The following CDIP1 variants were observed in gnomAD, a reference collection of about 807,000 sequenced individuals.
The protein encoded by CDIP1 is cell death-inducing p53-target protein 1.
CDIP1 carries 9 observed loss-of-function variants against 17.7 expected under a neutral mutation model. That is an observed-to-expected ratio of 0.51 (90% CI 0.31 to 0.89). The LOEUF (loss-of-function observed/expected upper bound fraction) is 0.89. Ranked by LOEUF, CDIP1 falls within the 40% of genes least tolerant of loss-of-function variation. The pLI is 0.05. For synonymous variants in CDIP1, 117 were observed against 109.5 expected, an observed-to-expected ratio of 1.07 and a Z score of -0.43; for missense variants, 263 against 277.9, an observed-to-expected ratio of 0.95 and a Z score of 0.38.
intron 1 of CDIP1, among the ~76,000 whole-genome samples, chr16:4,521,358 G>A (rs959130551): frequency 2.0e-5 from 3 of 152,152 alleles, no homozygotes. Flanking sequence ...AAGAACTGCT[G>A]TGCTAGAGGA....
rs1017386987 is a variant in CDIP1, at chr16:4,510,872, G to A, written c.*1700C>T. ...CAGGGCCAGAGGTCGCCCAGAACCTGCGTGTGCAGACTGCGCTCTGTTAGT... is the reference window on the plus strand; with the variant it reads ...CAGGGCCAGAGGTCGCCCAGAACCTACGTGTGCAGACTGCGCTCTGTTAGT... On this transcript the variant is annotated 3_prime_UTR_variant, in exon 6 of 6. Coordinates refer to ENST00000567695, the MANE Select transcript of CDIP1 (RefSeq NM_013399.3). 1.3e-5 allele frequency: 2 copies of A among 152,260 alleles called. No individual in the cohort carries two copies. The allele number at this position is 152,260 out of a possible 1,614,324, so 9.4% of individuals were successfully genotyped here.
At chr16:4,518,492 G>C (rs1460544771) in intron 1 of CDIP1, among the ~76,000 whole-genome samples, 1 of 152,152 alleles carries the variant, frequency 6.6e-6, no homozygotes, top group African/African-American at 2.4e-5. Context: ...GCAGGGCCCT[G>C]TTGCTCCTCC....
At chr16:4,537,312 T>G (rs1284288947) in intron 1 of CDIP1, among the ~76,000 whole-genome samples, 1 of 152,206 alleles carries the variant, frequency 6.6e-6, no homozygotes, top group Non-Finnish European at 1.5e-5. Flanking sequence ...CTTTTGTATG[T>G]TTCACGTTTT....
intron 1 of CDIP1, among the ~76,000 whole-genome samples, chr16:4,535,135 C>A (rs1288761854): frequency 2.6e-5 from 4 of 152,206 alleles, no homozygotes; most frequent in Admixed American, 2.6e-4. Flanking sequence ...CTACTTCCAC[C>A]TTTCTTGGCC....
At chr16:4,523,276 G>A (rs2058969390) in intron 1 of CDIP1, among the ~76,000 whole-genome samples, 1 of 152,220 alleles carries the variant, frequency 6.6e-6, no homozygotes, top group Non-Finnish European at 1.5e-5. Context: ...AGCACTTTGG[G>A]AGGCTGAGGA....
chr16:4,517,231 G>A (rs1011494530), intron 1 of CDIP1, among the ~76,000 whole-genome samples: 1 of 152,146 alleles, frequency 6.6e-6, no homozygotes, highest in African/African-American at 2.4e-5. Context: ...ATATTAAAAT[G>A]TCACTTATTT....
At chr16:4,522,032 A>G (rs2058955347) in intron 1 of CDIP1, among the ~76,000 whole-genome samples, 1 of 152,208 alleles carries the variant, frequency 6.6e-6, no homozygotes. Context: ...CTGATTCCCA[A>G]CGAGGGGTCC....
intron 1 of CDIP1, chr16:4,533,071 C>T (rs1471976880): frequency 6.6e-6 from 1 of 152,214 alleles, no homozygotes; most frequent in Non-Finnish European, 1.5e-5. Context: ...TGGTCCCTGC[C>T]CTCAGGGAGC....
chr16:4,517,883 A>G (rs2058904647), intron 1 of CDIP1, among the ~76,000 whole-genome samples: 1 of 152,026 alleles, frequency 6.6e-6, no homozygotes, highest in South Asian at 2.1e-4. Flanking sequence ...ATGGGGCTTT[A>G]CCTGCGTCTG....
In CDIP1 at chr16:4,511,616, G is replaced by A. The variant is rs1454429145; in HGVS notation, c.*956C>T. On this transcript the variant is annotated 3_prime_UTR_variant, in exon 6 of 6. Coordinates refer to ENST00000567695, the MANE Select transcript of CDIP1 (RefSeq NM_013399.3). ...CAACAGCCTGTCAGCTGGGGTGAGGGGCCCGGCACTTACAGGGAAGAAAAT... is the reference window on the plus strand; with the variant it reads ...CAACAGCCTGTCAGCTGGGGTGAGGAGCCCGGCACTTACAGGGAAGAAAAT... 6.6e-6 allele frequency: 1 copy of A among 152,362 alleles called. No homozygotes were observed. The highest frequency in any genetic ancestry group is 1.9e-4 in the East Asian group (1 of 5,198). 9.4% of individuals were successfully genotyped at this position (152,362 alleles called of 1,614,324 possible). A position where few individuals can be genotyped will look rare whatever the true frequency, so the allele number is the denominator to read the frequency against.
chr16:4,534,764 G>A (rs2059090613), intron 1 of CDIP1, among the ~76,000 whole-genome samples: 1 of 150,722 alleles, frequency 6.6e-6, no homozygotes, highest in South Asian at 2.1e-4. Context: ...TGTCACCCAG[G>A]CTGGAGTGCA....
At chr16:4,531,064 C>CA (rs1388266106) in intron 1 of CDIP1, among the ~76,000 whole-genome samples, 2 of 151,748 alleles carry the variant, frequency 1.3e-5, no homozygotes, top group Non-Finnish European at 2.9e-5. Context: ...ACTCAGACAT[C>CA]AGAGACCAGG....
chr16:4,512,160 G>A lies in CDIP1; in HGVS notation c.*412C>T, dbSNP rs1279918649. The A allele has an allele frequency of 2.0e-5, 4 of 195,192 alleles. No homozygotes were observed. The highest frequency in any genetic ancestry group is 1.3e-4 in the East Asian group (1 of 7,488). The allele number at this position is 195,192 out of a possible 1,614,324, so 12.1% of individuals were successfully genotyped here. A position where few individuals can be genotyped will look rare whatever the true frequency, so the allele number is the denominator to read the frequency against. On this transcript the variant is annotated 3_prime_UTR_variant, in exon 6 of 6. Coordinates refer to ENST00000567695, the MANE Select transcript of CDIP1 (RefSeq NM_013399.3). The surrounding 1 kb of genome is among the most constrained non-coding windows in gnomAD (Gnocchi z 4.6). ...ATTCTCGGCCCAGCAGGTCAGAAAC[G>A]CCTGTGGCCACAGGCCTGGGGACTA...
rs555385469 is a variant in CDIP1, at chr16:4,511,328, G to A, written c.*1244C>T. 1 of 152,810 alleles carries A rather than the reference G, an allele frequency of 6.5e-6. No homozygotes were observed. Among genetic ancestry groups the A allele is most frequent in the Non-Finnish European group, 1.5e-5 (1 of 68,118 alleles). The allele number at this position is 152,810 out of a possible 1,614,324, so 9.5% of individuals were successfully genotyped here. On this transcript the variant is annotated 3_prime_UTR_variant, in exon 6 of 6. Transcript: ENST00000567695. Reference sequence around the variant, plus strand: ...GCAAGAGAGCAGAGGCCCAGGGCGGGGGAGTGAAAGGGCCAATTTAATGAG... The same window carrying A: ...GCAAGAGAGCAGAGGCCCAGGGCGGAGGAGTGAAAGGGCCAATTTAATGAG...
chr16:4,512,347 T>C lies in CDIP1; in HGVS notation c.*225A>G. On this transcript the variant is annotated 3_prime_UTR_variant, in exon 6 of 6. Coordinates refer to ENST00000567695, the MANE Select transcript of CDIP1 (RefSeq NM_013399.3). This position sits in a 1 kb window ranked among gnomAD's most constrained non-coding sequence, Gnocchi z 4.6. ...AGCAGACCAACAACACACAAGCTCA[T>C]TGTCAGCCCCCTGCCACCCACTGAC... The C allele has an allele frequency of 1.7e-6, 1 of 592,350 alleles. No individual in the cohort carries two copies. The highest frequency in any genetic ancestry group is 2.8e-5 in the East Asian group (1 of 35,524). The allele number at this position is 592,350 out of a possible 1,614,324, so 36.7% of individuals were successfully genotyped here. A position where few individuals can be genotyped will look rare whatever the true frequency, so the allele number is the denominator to read the frequency against.
intron 1 of CDIP1, 34 bp downstream of exon 1, chr16:4,538,668 C>G (rs1410942426): frequency 2.0e-5 from 3 of 152,242 alleles, no homozygotes; most frequent in Non-Finnish European, 2.9e-5. Context: ...GGCTCCCGCG[C>G]GAAGCCGTCT....
In CDIP1 at chr16:4,512,997, C is replaced by A. The variant is rs1347132013; in HGVS notation, c.309G>T (p.Gly103=). Residue 103 remains glycine (G), a synonymous_variant, in exon 5 of 6, where the codon GGG becomes GGT. Coordinates refer to ENST00000567695, the MANE Select transcript of CDIP1 (RefSeq NM_013399.3). This position sits in a 1 kb window ranked among gnomAD's most constrained non-coding sequence, Gnocchi z 4.6. ...GYYPPGPYTP[G]PYPGPGGHTA... ...TGTGGCCCCCAGGGCCAGGGTAGGG[C>A]CCTGGCGTGTAGGGCCCTGGGGGGT... is the stretch of plus-strand genomic sequence containing the variant. 1 of 1,590,460 alleles carries A rather than the reference C, an allele frequency of 6.3e-7. No individual in the cohort carries two copies. The highest frequency in any genetic ancestry group is 1.8e-5 in the Admixed American group (1 of 55,268).
intron 1 of CDIP1, among the ~76,000 whole-genome samples, chr16:4,522,210 G>C (rs145366481): frequency 1.3e-5 from 2 of 152,364 alleles, no homozygotes; most frequent in East Asian, 3.9e-4. Context: ...TGAGAAGGCA[G>C]AGACACTAGC....
intron 1 of CDIP1, among the ~76,000 whole-genome samples, chr16:4,534,436 A>G (rs1176869405): frequency 6.6e-6 from 1 of 152,172 alleles, no homozygotes; most frequent in African/African-American, 2.4e-5. Context: ...GGGCTGGGAG[A>G]GCCCACGTCT....
Sources: gnomAD v4.1 joint callset for allele counts (sites outside exome capture counted in the v4.1 genomes callset) on GRCh38, gnomAD v4.1.1 for gene constraint, Gnocchi (gnomAD v3.1) non-coding constraint, MANE v1.5 for transcripts, NCBI Gene and HGNC (gene_info 2026-07-23, HGNC 2026-07-21) for gene names.